KAZN: variants seen among roughly 807,000 people sequenced by gnomAD.
KAZN encodes kazrin.
Under a neutral mutation model 87.4 loss-of-function variants are expected in KAZN, and 40 were observed. The observed-to-expected ratio is 0.46, with a 90% CI of 0.36 to 0.60. The LOEUF is 0.60. Ranked by LOEUF, KAZN falls within the 20% of genes least tolerant of loss-of-function variation. The pLI is 0.00. For missense variants in KAZN, 898 were observed against 1,073.9 expected, an observed-to-expected ratio of 0.84 and a Z score of 2.29; for synonymous variants, 466 against 458.3, an observed-to-expected ratio of 1.02 and a Z score of -0.22.
chr1:14,859,826 T>G (rs1650622795), intron 1 of KAZN, among the ~76,000 whole-genome samples: 1 of 152,162 alleles, frequency 6.6e-6, no homozygotes, highest in African/African-American at 2.4e-5. Flanking sequence ...CCCTTAGCGC[T>G]CTGATTATCA....
At chr1:14,830,046 G>A (rs1261741754) in intron 1 of KAZN, among the ~76,000 whole-genome samples, 1 of 152,172 alleles carries the variant, frequency 6.6e-6, no homozygotes, top group Non-Finnish European at 1.5e-5. Flanking sequence ...TTAAGGGTGG[G>A]GAAAATGGTT....
chr1:14,068,594 G>A (rs1008875158), intron 1 of KAZN, among the ~76,000 whole-genome samples: 6 of 152,128 alleles, frequency 3.9e-5, no homozygotes, highest in Non-Finnish European at 7.3e-5. Flanking sequence ...ATTGAATTTT[G>A]GGGACTGAGT....
At chr1:14,436,101 C>A (rs551110748) in intron 2 of KAZN, among the ~76,000 whole-genome samples, 1 of 152,120 alleles carries the variant, frequency 6.6e-6, no homozygotes, top group East Asian at 1.9e-4. Flanking sequence ...TGGTGGCGGG[C>A]GCCTGTAATC....
Position 15,066,391 on chromosome 1 carries a change from A to C in KAZN, c.1222+638A>C. The C allele has an allele frequency of 1.0e-6, 1 of 980,300 alleles. No homozygotes were observed. 60.7% of individuals were successfully genotyped at this position (980,300 alleles called of 1,614,324 possible). A position where few individuals can be genotyped will look rare whatever the true frequency, so the allele number is the denominator to read the frequency against. On this transcript the variant is annotated intron_variant, in intron 8 of 14. Coordinates refer to ENST00000376030, the MANE Select transcript of KAZN (RefSeq NM_201628.3). This position sits in a 1 kb window ranked among gnomAD's most constrained non-coding sequence, Gnocchi z 4.3. ...CAGACCCTGTCCTGGGGGTGCGCCC[A>C]AGTCACTTTAACCACAAAACGCCAT...
chr1:13,981,572 A>C (rs1439132411), intron 1 of KAZN, among the ~76,000 whole-genome samples: 1 of 152,172 alleles, frequency 6.6e-6, no homozygotes, highest in Admixed American at 6.5e-5. Flanking sequence ...CTGCAATTAC[A>C]GAGCTCTGTC....
chr1:14,893,365 C>CA (rs200635051), intron 1 of KAZN, among the ~76,000 whole-genome samples: 2,391 of 150,204 alleles, frequency 0.016, 73 homozygotes, highest in African/African-American at 0.054. Context: ...GACTTTGTTT[C>CA]AAAAAAAAAG....
At chr1:14,383,940 C>A (rs1661622985) in intron 2 of KAZN, among the ~76,000 whole-genome samples, 1 of 152,008 alleles carries the variant, frequency 6.6e-6, no homozygotes, top group Non-Finnish European at 1.5e-5. Flanking sequence ...ATTCTTCCTA[C>A]CCATGAGCAT....
intron 2 of KAZN, among the ~76,000 whole-genome samples, chr1:14,388,169 C>T (rs12025649): frequency 0.28 from 42,741 of 152,150 alleles, 6,609 homozygotes; most frequent in African/African-American, 0.41. Context: ...CGCCCTGCTT[C>T]GGCTGGCACA....
At chr1:14,474,479 C>G (rs752640604) in intron 2 of KAZN, among the ~76,000 whole-genome samples, 10 of 152,152 alleles carry the variant, frequency 6.6e-5, no homozygotes, top group Non-Finnish European at 1.5e-4. Context: ...AGTTGAAACA[C>G]TCCTGAAATA....
At chr1:13,981,950 C>T (rs965761184) in intron 1 of KAZN, among the ~76,000 whole-genome samples, 4 of 152,302 alleles carry the variant, frequency 2.6e-5, no homozygotes, top group Admixed American at 1.3e-4. Flanking sequence ...CTGACCTGGT[C>T]AGGGAAAGCC....
At chr1:14,566,616 A>G (rs1349801963) in intron 2 of KAZN, among the ~76,000 whole-genome samples, 1 of 152,270 alleles carries the variant, frequency 6.6e-6, no homozygotes, top group East Asian at 1.9e-4. Context: ...TATTTCATCT[A>G]CACTGAAAAT....
intron 1 of KAZN, among the ~76,000 whole-genome samples, chr1:14,069,787 T>C (rs1426918223): frequency 6.6e-6 from 1 of 152,200 alleles, no homozygotes; most frequent in African/African-American, 2.4e-5. Context: ...TGTTTATTCC[T>C]TATTAGCCAC....
rs372619392 is a variant in KAZN, at chr1:14,465,901, A to G, written c.250-133082A>G. Among the ~76,000 whole-genome samples the G allele has an allele frequency of 3.3e-4, 50 of 152,336 alleles. No individual in the cohort carries two copies. In the South Asian group the frequency reaches 9.9e-3, roughly 30 times the overall value. On this transcript the variant is annotated intron_variant, in intron 2 of 16. Coordinates refer to the KAZN transcript ENST00000636203. ...TACACAACAGTGGTCCCGTATGATT[A>G]TAATACTGTATTTTTTCTGCACCTT...
intron 1 of KAZN, among the ~76,000 whole-genome samples, chr1:14,117,564 C>T (rs1224577987): frequency 1.3e-5 from 2 of 152,090 alleles, no homozygotes; most frequent in Non-Finnish European, 2.9e-5. Flanking sequence ...GGCCCCACCT[C>T]CAAATACCAT....
chr1:13,996,156 G>A (rs924366057), intron 1 of KAZN, among the ~76,000 whole-genome samples: 5 of 152,150 alleles, frequency 3.3e-5, no homozygotes, highest in Admixed American at 1.3e-4. Flanking sequence ...GTGAGTGAGC[G>A]TGCTACCCAG....
intron 1 of KAZN, among the ~76,000 whole-genome samples, chr1:14,055,428 A>C (rs559329241): frequency 6.6e-6 from 1 of 152,304 alleles, no homozygotes; most frequent in South Asian, 2.1e-4. Flanking sequence ...AAGCCTTGGG[A>C]TATAAGACAC....
intron 1 of KAZN, among the ~76,000 whole-genome samples, chr1:13,954,437 T>C (rs1641466693): frequency 6.6e-6 from 1 of 152,242 alleles, no homozygotes; most frequent in African/African-American, 2.4e-5. Context: ...ATGGGGTTGC[T>C]GTTTTGATCA....
intron 2 of KAZN, among the ~76,000 whole-genome samples, chr1:14,388,645 T>C (rs1165512233): frequency 2.0e-5 from 3 of 152,156 alleles, no homozygotes; most frequent in South Asian, 2.1e-4. Flanking sequence ...TGGATATCCA[T>C]ATGCAGAAGA....
intron 1 of KAZN, among the ~76,000 whole-genome samples, chr1:14,668,369 T>C (rs1639708476): frequency 6.6e-6 from 1 of 152,104 alleles, no homozygotes; most frequent in Non-Finnish European, 1.5e-5. Flanking sequence ...TTTCCAGTCC[T>C]ATGTGAAGTG....
Sources: gnomAD v4.1 joint callset for allele counts (sites outside exome capture counted in the v4.1 genomes callset) on GRCh38, gnomAD v4.1.1 for gene constraint, Gnocchi (gnomAD v3.1) non-coding constraint, MANE v1.5 for transcripts, NCBI Gene and HGNC (gene_info 2026-07-23, HGNC 2026-07-21) for gene names.